MAP2K4: variants seen among roughly 807,000 people sequenced by gnomAD.
MAP2K4 encodes mitogen-activated protein kinase kinase 4, also known as dual specificity mitogen-activated protein kinase kinase 4.
MAP2K4 carries 4 observed loss-of-function variants against 48.5 expected under a neutral mutation model. The observed-to-expected ratio is 0.08, with a 90% CI of 0.04 to 0.19. The LOEUF (loss-of-function observed/expected upper bound fraction) is 0.19. MAP2K4 is among the 10% of genes least tolerant of loss of function. The pLI, the probability that MAP2K4 is intolerant of heterozygous loss-of-function variation, is 1.00. For synonymous variants in MAP2K4, 166 were observed against 173.1 expected (o/e 0.96, Z 0.32); for missense variants, 258 against 493.3 (o/e 0.52, Z 4.52).
At chr17:12,135,695 A>G (rs1309889416) in intron 9 of MAP2K4, among the ~76,000 whole-genome samples, 2 of 152,076 alleles carry the variant, frequency 1.3e-5, no homozygotes, top group African/African-American at 4.8e-5. Context: ...GACTACAGGC[A>G]CGCACCACCA....
At chr17:12,120,865 A>G (rs1972665158) in intron 7 of MAP2K4, among the ~76,000 whole-genome samples, 1 of 152,200 alleles carries the variant, frequency 6.6e-6, no homozygotes, top group African/African-American at 2.4e-5. Flanking sequence ...GGAGGTTGAA[A>G]GCTTGTAGCT....
chr17:12,091,820 T>C (rs1971572130), intron 3 of MAP2K4, among the ~76,000 whole-genome samples: 1 of 152,194 alleles, frequency 6.6e-6, no homozygotes, highest in African/African-American at 2.4e-5. Flanking sequence ...TATAGAAAAC[T>C]ACTTATATAT....
At position 12,141,406 on chromosome 17, in the gene MAP2K4, T is replaced by A. The variant is rs1973373723; in HGVS notation, c.*146T>A. On this transcript the variant is annotated 3_prime_UTR_variant, in exon 11 of 11. Coordinates refer to ENST00000353533, the MANE Select transcript of MAP2K4 (RefSeq NM_003010.4). ...GTTCGTTTCCATCATGTCTGTATAC[T>A]CCTGTCACCTAGAACGTGCATCCTT... is the stretch of plus-strand genomic sequence containing the variant. 3.1e-6 allele frequency: 2 copies of A among 655,682 alleles called. No homozygotes were observed. The highest frequency in any genetic ancestry group is 3.6e-5 in the African/African-American group (2 of 55,500). 40.6% of individuals were successfully genotyped at this position (655,682 alleles called of 1,614,324 possible).
At chr17:12,048,624 G>A (rs185775449) in intron 1 of MAP2K4, among the ~76,000 whole-genome samples, 1 of 152,090 alleles carries the variant, frequency 6.6e-6, no homozygotes, top group East Asian at 1.9e-4. Context: ...GATATTGCGA[G>A]TCTAACATCT....
chr17:12,131,633 A>T (rs1340146800), intron 9 of MAP2K4, among the ~76,000 whole-genome samples: 2 of 152,076 alleles, frequency 1.3e-5, no homozygotes, highest in African/African-American at 4.8e-5. Context: ...AAAAGCACAT[A>T]CAGGATAATA....
intron 2 of MAP2K4, among the ~76,000 whole-genome samples, chr17:12,061,736 G>T (rs561315643): frequency 1.1e-3 from 160 of 152,156 alleles, no homozygotes; most frequent in Non-Finnish European, 4.1e-4. Flanking sequence ...CTTAGCTATT[G>T]ATGAGTTTTC....
intron 1 of MAP2K4, among the ~76,000 whole-genome samples, chr17:12,025,863 G>A (rs1969236900): frequency 6.6e-6 from 1 of 151,968 alleles, no homozygotes; most frequent in Non-Finnish European, 1.5e-5. Flanking sequence ...TTGTTTATCT[G>A]TTTTTACTAA....
At chr17:12,047,405 T>G (rs1353884285) in intron 1 of MAP2K4, among the ~76,000 whole-genome samples, 1 of 152,190 alleles carries the variant, frequency 6.6e-6, no homozygotes, top group East Asian at 1.9e-4. Flanking sequence ...GAAGGTAATA[T>G]TAATCCCATT....
rs188410287 is a variant in MAP2K4 at position 12,141,814 on chromosome 17, T to C, written c.*554T>C. 787 of 234,044 alleles carry C rather than the reference T, an allele frequency of 3.4e-3. 2 individuals are homozygous for C. Among genetic ancestry groups the C allele is most frequent in the Non-Finnish European group, 5.2e-3 (615 of 118,330 alleles). 14.5% of individuals were successfully genotyped at this position (234,044 alleles called of 1,614,324 possible). On this transcript the variant is annotated 3_prime_UTR_variant, in exon 11 of 11. Coordinates refer to ENST00000353533, the MANE Select transcript of MAP2K4 (RefSeq NM_003010.4). ...ATATTCTGTTGCTTTACAGTTACAG[T>C]TGATGTTTGGGGATCGATGTGCTCA...
At chr17:12,129,742 G>A (rs1204296021) in intron 9 of MAP2K4, among the ~76,000 whole-genome samples, 1 of 152,070 alleles carries the variant, frequency 6.6e-6, no homozygotes, top group Non-Finnish European at 1.5e-5. Context: ...TATGTAGTAG[G>A]GTCACATCCA....
chr17:12,052,940 C>G (rs919395527), intron 1 of MAP2K4, among the ~76,000 whole-genome samples: 4 of 152,050 alleles, frequency 2.6e-5, no homozygotes, highest in Non-Finnish European at 5.9e-5. Flanking sequence ...TACCCTACCC[C>G]AGCGTCTCCA....
intron 7 of MAP2K4, among the ~76,000 whole-genome samples, chr17:12,114,829 T>G (rs1191377208): frequency 2.0e-5 from 3 of 152,208 alleles, no homozygotes; most frequent in Non-Finnish European, 4.4e-5. Flanking sequence ...AAACAGACTT[T>G]CGTCATTCTT....
intron 3 of MAP2K4, among the ~76,000 whole-genome samples, chr17:12,092,634 G>A (rs923184389): frequency 6.6e-6 from 1 of 152,164 alleles, no homozygotes; most frequent in African/African-American, 2.4e-5. Context: ...TGTGTTTGTA[G>A]TTGATCCCCT....
At chr17:12,030,301 C>T (rs1969394009) in intron 1 of MAP2K4, among the ~76,000 whole-genome samples, 2 of 152,162 alleles carry the variant, frequency 1.3e-5, no homozygotes, top group Admixed American at 1.3e-4. Context: ...CCTTGCTTGT[C>T]AGTGGACTCT....
At chr17:12,050,969 C>G (rs1970123857) in intron 1 of MAP2K4, among the ~76,000 whole-genome samples, 1 of 152,098 alleles carries the variant, frequency 6.6e-6, no homozygotes, top group Non-Finnish European at 1.5e-5. Flanking sequence ...ACACTGTGTG[C>G]CGATGCTGTG....
intron 1 of MAP2K4, among the ~76,000 whole-genome samples, chr17:12,034,207 T>C (rs1272644148): frequency 6.6e-6 from 1 of 152,244 alleles, no homozygotes; most frequent in Non-Finnish European, 1.5e-5. Flanking sequence ...ACAGTGTCTA[T>C]AAGTAGCTTT....
intron 2 of MAP2K4, among the ~76,000 whole-genome samples, chr17:12,060,555 C>T (rs1970414839): frequency 6.6e-6 from 1 of 152,172 alleles, no homozygotes; most frequent in Non-Finnish European, 1.5e-5. Context: ...CTCTAATCTA[C>T]ATGAATTTGG....
intron 1 of MAP2K4, chr17:12,032,244 G>T (rs893683470): frequency 7.2e-7 from 1 of 1,383,572 alleles, no homozygotes; most frequent in Non-Finnish European, 9.5e-7. Flanking sequence ...AAATGAACTG[G>T]AACTTATCTT....
chr17:12,140,428 G>A (rs1299436817), intron 10 of MAP2K4, among the ~76,000 whole-genome samples: 1 of 152,172 alleles, frequency 6.6e-6, no homozygotes, highest in Admixed American at 6.5e-5. Context: ...TTAACTACTA[G>A]CTCTTCAAGG....
Sources: allele counts gnomAD v4.1 joint callset (sites outside exome capture counted in the v4.1 genomes callset), GRCh38; gene constraint gnomAD v4.1.1; transcripts MANE v1.5; gene names NCBI Gene and HGNC (gene_info 2026-07-23, HGNC 2026-07-21).